MXI1: variants seen among roughly 807,000 people sequenced by gnomAD.
MXI1 encodes max-interacting protein 1.
Under a neutral mutation model 36.9 loss-of-function variants are expected in MXI1, and 18 were observed. The ratio of observed to expected loss-of-function variants is 0.49; its 90% CI spans 0.34 to 0.72. The LOEUF is 0.72. Among genes scored for constraint, MXI1 ranks in the 30% least tolerant of loss-of-function variants. The pLI is 0.01. For missense variants in MXI1, 304 were observed against 379.1 expected (o/e 0.80, Z 1.64); for synonymous variants, 160 against 146.7 (o/e 1.09, Z -0.65).
At chr10:110,237,624 C>T (rs1286528089) in intron 2 of MXI1, among the ~76,000 whole-genome samples, 1 of 152,138 alleles carries the variant, frequency 6.6e-6, no homozygotes. Context: ...ATTTAGTCCC[C>T]AACATGTCTG....
intron 3 of MXI1, among the ~76,000 whole-genome samples, chr10:110,251,969 G>A: frequency 6.6e-6 from 1 of 152,144 alleles, no homozygotes; most frequent in South Asian, 2.1e-4. Flanking sequence ...TTTATTGGCA[G>A]TGGTGAATTT....
intron 2 of MXI1, among the ~76,000 whole-genome samples, chr10:110,242,092 A>T (rs1564713881): frequency 6.6e-6 from 1 of 151,930 alleles, no homozygotes; most frequent in African/African-American, 2.4e-5. Context: ...TGCTTATCTT[A>T]TCCCTTCCAC....
chr10:110,226,411 G>A (rs1854972405), intron 1 of MXI1: 6 of 1,137,822 alleles, frequency 5.3e-6, no homozygotes, highest in Admixed American at 9.5e-5. Context: ...CATGTGAGGG[G>A]AGGGGTGTGC....
chr10:110,224,152 G>A (rs1179190206), intron 1 of MXI1, among the ~76,000 whole-genome samples: 1 of 152,134 alleles, frequency 6.6e-6, no homozygotes, highest in African/African-American at 2.4e-5. Flanking sequence ...GGAGCCAATG[G>A]AATGACCACG....
chr10:110,238,508 T>C (rs915609869), intron 2 of MXI1, among the ~76,000 whole-genome samples: 4 of 151,564 alleles, frequency 2.6e-5, no homozygotes, highest in Non-Finnish European at 5.9e-5. Flanking sequence ...TGTTAGTCTT[T>C]GTTTTGTTTG....
At chr10:110,278,141 C>A (rs1335239805) in intron 3 of MXI1, among the ~76,000 whole-genome samples, 1 of 152,156 alleles carries the variant, frequency 6.6e-6, no homozygotes, top group African/African-American at 2.4e-5. Flanking sequence ...AATTACCTTA[C>A]CCCTTATGAA....
At chr10:110,234,650 G>C (rs1235331143) in intron 2 of MXI1, among the ~76,000 whole-genome samples, 1 of 152,140 alleles carries the variant, frequency 6.6e-6, no homozygotes. Context: ...TTGGAAGTCA[G>C]ATGAGTTAGG....
chr10:110,231,142 G>A (rs1469200219), intron 2 of MXI1, among the ~76,000 whole-genome samples: 2 of 152,132 alleles, frequency 1.3e-5, no homozygotes, highest in African/African-American at 4.8e-5. Flanking sequence ...TGAGGTAGGT[G>A]GATTGCCTGA....
At chr10:110,271,608 G>T (rs1856855888) in intron 3 of MXI1, among the ~76,000 whole-genome samples, 1 of 152,166 alleles carries the variant, frequency 6.6e-6, no homozygotes, top group African/African-American at 2.4e-5. Context: ...AGAGATATTG[G>T]CAAGTATAAA....
intron 2 of MXI1, among the ~76,000 whole-genome samples, chr10:110,229,091 A>C (rs1197588799): frequency 6.6e-6 from 1 of 152,188 alleles, no homozygotes; most frequent in African/African-American, 2.4e-5. Flanking sequence ...GATGTAGCTG[A>C]CTTCCATTTT....
intron 1 of MXI1, chr10:110,227,259 G>C: frequency 9.4e-6 from 8 of 851,398 alleles, no homozygotes; most frequent in Non-Finnish European, 1.1e-5. Context: ...GGGCGTGTGC[G>C]GGAAGGGCGT....
intron 1 of MXI1, chr10:110,208,645 CT>C (rs1590316189): frequency 6.6e-6 from 1 of 151,962 alleles, no homozygotes; most frequent in Non-Finnish European, 1.5e-5. Context: ...CCTACTTCGC[CT>C]TTTTCCTTCC....
chr10:110,223,594 T>A (rs1032877838), intron 1 of MXI1, among the ~76,000 whole-genome samples: 35 of 151,842 alleles, frequency 2.3e-4, no homozygotes, highest in African/African-American at 8.2e-4. Flanking sequence ...AATAAATAAA[T>A]AAAAAATAAA....
At chr10:110,242,629 TAAAGA>T (rs972667634) in intron 2 of MXI1, among the ~76,000 whole-genome samples, 1 of 151,980 alleles carries the variant, frequency 6.6e-6, no homozygotes, top group Non-Finnish European at 1.5e-5. Flanking sequence ...AAAAAGATAA[TAAAGA>T]AATGTCTGTT....
At chr10:110,281,127 C>A (rs928224913) in intron 5 of MXI1, among the ~76,000 whole-genome samples, 1 of 152,066 alleles carries the variant, frequency 6.6e-6, no homozygotes, top group Non-Finnish European at 1.5e-5. Flanking sequence ...TTCAAACATA[C>A]TTAGAATAGA....
At chr10:110,249,352 T>A (rs1855985937) in intron 3 of MXI1, among the ~76,000 whole-genome samples, 1 of 151,744 alleles carries the variant, frequency 6.6e-6, no homozygotes, top group Non-Finnish European at 1.5e-5. Flanking sequence ...GGATATAAGC[T>A]TCTCTGAGTT....
At chr10:110,272,051 A>G (rs2134452480) in intron 3 of MXI1, among the ~76,000 whole-genome samples, 1 of 152,290 alleles carries the variant, frequency 6.6e-6, no homozygotes, top group African/African-American at 2.4e-5. Flanking sequence ...TGATGTTCCA[A>G]AGTCCATAGT....
intron 3 of MXI1, among the ~76,000 whole-genome samples, chr10:110,245,533 G>C (rs987794776): frequency 1.3e-5 from 2 of 152,162 alleles, no homozygotes; most frequent in Non-Finnish European, 1.5e-5. Context: ...AGAGGATGGT[G>C]AGTGAGCAGT....
chr10:110,243,884 T>A (rs1418362), intron 2 of MXI1, among the ~76,000 whole-genome samples: 29,107 of 151,958 alleles, frequency 0.19, 2,997 homozygotes, highest in African/African-American at 0.26. Flanking sequence ...ACTCAGGCAG[T>A]TTGGCCTTAG....
Sources: gnomAD v4.1 joint callset for allele counts (sites outside exome capture counted in the v4.1 genomes callset) on GRCh38, gnomAD v4.1.1 for gene constraint, MANE v1.5 for transcripts, NCBI Gene and HGNC (gene_info 2026-07-23, HGNC 2026-07-21) for gene names.